Variants in NIPAL2 observed in about 807,000 individuals in gnomAD.
NIPAL2 encodes NIPA like domain containing 2.
NIPAL2 carries 43 observed loss-of-function variants against 48.9 expected under a neutral mutation model. That is an observed-to-expected ratio of 0.88 (90% CI 0.69 to 1.13). The LOEUF (loss-of-function observed/expected upper bound fraction) is 1.13. NIPAL2 is among the 50% of genes most tolerant of loss of function. NIPAL2 has a pLI of 0.00. For synonymous variants in NIPAL2, 167 were observed against 174.6 expected, an observed-to-expected ratio of 0.96 and a Z score of 0.34; for missense variants, 446 against 461.4, an observed-to-expected ratio of 0.97 and a Z score of 0.31.
At chr8:98,280,402 T>C (rs1166931679) in intron 1 of NIPAL2, among the ~76,000 whole-genome samples, 1 of 152,146 alleles carries the variant, frequency 6.6e-6, no homozygotes, top group Non-Finnish European at 1.5e-5. Flanking sequence ...AAAACATGCA[T>C]GAACTGGAAA....
chr8:98,259,070 CTTTTT>C (rs869220202), intron 1 of NIPAL2, among the ~76,000 whole-genome samples: 2 of 41,876 alleles, frequency 4.8e-5, no homozygotes, highest in African/African-American at 2.2e-4. Context: ...TTAAATATTC[CTTTTT>C]TTTTTTTTTT....
Position 98,220,643 on chromosome 8 carries a change from G to C in NIPAL2, c.558+1836C>G. ...AGACTGGTCTCAAACTCCTGGGCTC[G>C]AGTGATTCTCCCACCTTGGCTTCCT... On this transcript the variant is annotated intron_variant, in intron 5 of 10. Transcript: ENST00000430223. Among the ~76,000 whole-genome samples, 4 of 152,142 alleles carry C rather than the reference G, an allele frequency of 2.6e-5. No homozygotes were observed. The South Asian group carries it at 6.2e-4, about 24-fold the overall frequency.
intron 1 of NIPAL2, 26 bp downstream of exon 1, chr8:98,293,977 T>G (rs1276783256): frequency 1.4e-6 from 2 of 1,432,822 alleles, no homozygotes; most frequent in Non-Finnish European, 1.8e-6. Flanking sequence ...CCCACCGGGC[T>G]GCGGTGGCTG....
At chr8:98,214,168 T>C (rs1182457247) in intron 5 of NIPAL2, among the ~76,000 whole-genome samples, 1 of 49,238 alleles carries the variant, frequency 2.0e-5, no homozygotes, top group Non-Finnish European at 3.6e-5. Context: ...TTTTAACATC[T>C]TTTTTTTTTT....
At chr8:98,242,775 C>T (rs1315565093) in intron 3 of NIPAL2, among the ~76,000 whole-genome samples, 3 of 152,084 alleles carry the variant, frequency 2.0e-5, no homozygotes, top group Non-Finnish European at 2.9e-5. Context: ...TGAGCCACCG[C>T]GCCCGGTCTT....
chr8:98,254,688 A>G (rs997636449), intron 1 of NIPAL2, among the ~76,000 whole-genome samples: 3 of 152,258 alleles, frequency 2.0e-5, no homozygotes, highest in African/African-American at 7.2e-5. Flanking sequence ...TCTGCAGTCT[A>G]CTATATCAAA....
At chr8:98,222,169 G>A (rs576075769) in intron 5 of NIPAL2, among the ~76,000 whole-genome samples, 25 of 152,224 alleles carry the variant, frequency 1.6e-4, no homozygotes, top group African/African-American at 5.8e-4. Context: ...AGCAAAATGT[G>A]TCCTTAAGTA....
chr8:98,189,991 C>CTGTT lies in NIPAL2; in HGVS notation c.*2983_*2986dup, dbSNP rs1810237292. 6.6e-6 allele frequency: 1 copy of CTGTT among 152,208 alleles called. No homozygotes were observed. The highest frequency in any genetic ancestry group is 1.9e-4 in the East Asian group (1 of 5,202). 9.4% of individuals were successfully genotyped at this position (152,208 alleles called of 1,614,324 possible). Reference sequence around the variant, plus strand: ...AGGTCATTGTTACTCATTTCCAAAGCTGTTATAGACTTGGAATGTGGAATT... The same window carrying CTGTT: ...AGGTCATTGTTACTCATTTCCAAAGCTGTTTGTTATAGACTTGGAATGTGGAATT... On this transcript the variant is annotated 3_prime_UTR_variant, in exon 11 of 11. Coordinates refer to ENST00000430223, the MANE Select transcript of NIPAL2 (RefSeq NM_001321635.2).
rs1811942076 is a variant in NIPAL2 at position 98,222,481 on chromosome 8, CAT to C, written c.554_555del (p.Tyr185CysfsTer16). On this transcript the variant is annotated frameshift_variant, in exon 5 of 11. Transcript: ENST00000430223. LOFTEE classifies it high-confidence loss of function. ...YYLVGWQFLI[Y>X]VILEILIFCI... ...AGTAAAATATTTAGAATTCTTACCA[CAT>C]AGATCAGGAACTGCCATCCGACAAG... is the stretch of plus-strand genomic sequence containing the variant. The C allele has an allele frequency of 1.9e-6, 3 of 1,613,178 alleles. No individual in the cohort carries two copies. In the East Asian group the frequency reaches 6.7e-5, roughly 36 times the overall value.
At chr8:98,196,995 T>G (rs896443398) in intron 8 of NIPAL2, among the ~76,000 whole-genome samples, 1 of 152,238 alleles carries the variant, frequency 6.6e-6, no homozygotes, top group African/African-American at 2.4e-5. Flanking sequence ...TTATAATCAT[T>G]TTAATGTTTT....
intron 3 of NIPAL2, among the ~76,000 whole-genome samples, chr8:98,250,850 G>C (rs1419893865): frequency 6.6e-6 from 1 of 152,096 alleles, no homozygotes; most frequent in East Asian, 1.9e-4. Flanking sequence ...GTCTTGCCAA[G>C]GTGGGCAGAC....
chr8:98,289,812 C>A (rs1816397085), intron 1 of NIPAL2, among the ~76,000 whole-genome samples: 1 of 152,220 alleles, frequency 6.6e-6, no homozygotes, highest in African/African-American at 2.4e-5. Context: ...AACCTCTACT[C>A]AGCCCTTTGA....
intron 3 of NIPAL2, among the ~76,000 whole-genome samples, chr8:98,241,573 C>T (rs1380336496): frequency 1.3e-5 from 2 of 152,012 alleles, no homozygotes; most frequent in East Asian, 3.9e-4. Flanking sequence ...AGTCTCAAGC[C>T]TAAAGGTGTC....
chr8:98,256,244 G>A (rs960751197), intron 1 of NIPAL2, among the ~76,000 whole-genome samples: 5 of 152,042 alleles, frequency 3.3e-5, no homozygotes, highest in Admixed American at 6.6e-5. Context: ...GGCTGGTCTC[G>A]AATTCCTGAC....
At chr8:98,228,300 T>C (rs1812277235) in intron 4 of NIPAL2, among the ~76,000 whole-genome samples, 1 of 152,202 alleles carries the variant, frequency 6.6e-6, no homozygotes, top group African/African-American at 2.4e-5. Context: ...AGGCTTCTAT[T>C]CAGCCATCTT....
intron 4 of NIPAL2, among the ~76,000 whole-genome samples, chr8:98,227,175 G>GT (rs1049811441): frequency 6.6e-6 from 1 of 152,130 alleles, no homozygotes; most frequent in African/African-American, 2.4e-5. Context: ...TTCAAGGGAA[G>GT]TCTAGAAATG....
intron 1 of NIPAL2, among the ~76,000 whole-genome samples, chr8:98,286,484 G>T (rs1161767059): frequency 1.3e-5 from 2 of 152,098 alleles, no homozygotes; most frequent in East Asian, 3.9e-4. Flanking sequence ...GGATCAGTCA[G>T]CACCTCCTGA....
At chr8:98,287,745 G>A (rs1460318029) in intron 1 of NIPAL2, among the ~76,000 whole-genome samples, 2 of 152,198 alleles carry the variant, frequency 1.3e-5, no homozygotes, top group South Asian at 2.1e-4. Flanking sequence ...CATTTATATA[G>A]AGAAAGCCGA....
At chr8:98,194,314 A>T (rs545464809) in intron 10 of NIPAL2, among the ~76,000 whole-genome samples, 2 of 152,300 alleles carry the variant, frequency 1.3e-5, no homozygotes, top group East Asian at 3.9e-4. Context: ...GTCCTGAGCC[A>T]CAGTGCACAG....
Sources: gnomAD v4.1 joint callset for allele counts (sites outside exome capture counted in the v4.1 genomes callset) on GRCh38, gnomAD v4.1.1 for gene constraint, MANE v1.5 for transcripts, NCBI Gene and HGNC (gene_info 2026-07-23, HGNC 2026-07-21) for gene names.